DMAC1: variants seen among roughly 807,000 people sequenced by gnomAD.
DMAC1 encodes the protein distal membrane arm assembly component 1, also known as distal membrane-arm assembly complex protein 1.
Under a neutral mutation model 7.0 loss-of-function variants are expected in DMAC1, and 10 were observed. The ratio of observed to expected loss-of-function variants is 1.43; its 90% confidence interval spans 0.88 to 2.43. The LOEUF is 2.43. Among genes scored for constraint, DMAC1 ranks in the 30% most tolerant of loss-of-function variants. The probability of loss-of-function intolerance (pLI) is 0.00; values close to 1 mark genes in which losing one functional copy is unlikely to be tolerated. For missense variants in DMAC1, 219 were observed against 158.7 expected (o/e 1.38, Z -2.04); for synonymous variants, 92 against 66.2 (o/e 1.39, Z -1.90).
At position 7,798,327 on chromosome 9, in the gene DMAC1, A is replaced by G. The variant is rs1006270661; in HGVS notation, c.*246T>C. 7 of 458,246 alleles carry G rather than the reference A, an allele frequency of 1.5e-5. No individual in the cohort carries two copies. The highest frequency in any genetic ancestry group is 9.6e-5 in the African/African-American group (5 of 51,844). 28.4% of individuals were successfully genotyped at this position (458,246 alleles called of 1,614,324 possible). A position where few individuals can be genotyped will look rare whatever the true frequency, so the allele number is the denominator to read the frequency against. ...TATAAGTTATACTTTCCTTCCCCAGATAAGACAAAGAACCTGTTTACTTCT... is the reference window on the plus strand; with the variant it reads ...TATAAGTTATACTTTCCTTCCCCAGGTAAGACAAAGAACCTGTTTACTTCT... On this transcript the variant is annotated 3_prime_UTR_variant, in exon 2 of 2. Transcript: ENST00000358227.
At position 7,799,502 on chromosome 9, in the gene DMAC1, G is replaced by T. The variant is rs748956589; in HGVS notation, c.233C>A (p.Pro78His). ...VARKPMKMGY[P>H]PSPWTITQMV... ...CTGCGTAATGGTCCATGGACTCGGG[G>T]GGTATCCCATCTTCATGGGCTTCCG... Residue 78 changes from proline to histidine, a missense_variant, in exon 1 of 2, where the codon CCC becomes CAC. Transcript: ENST00000358227. The T allele has an allele frequency of 3.0e-5, 48 of 1,613,336 alleles. 2 individuals are homozygous for T. In the South Asian group the frequency reaches 5.3e-4, roughly 18 times the overall value.
At position 7,799,539 on chromosome 9, in the gene DMAC1, A is replaced by G. The variant is rs1418466602; in HGVS notation, c.196T>C (p.Tyr66His). 1 of 1,613,590 alleles carries G rather than the reference A, an allele frequency of 6.2e-7. No individual in the cohort carries two copies. The highest frequency in any genetic ancestry group is 8.5e-7 in the Non-Finnish European group (1 of 1,180,020). ...TTCATGGGCTTCCGTGCCACCCAGT[A>G]CACGTACCCGCCCGCCCCCATCAGC... ...LGLMGAGGYV[Y>H]WVARKPMKMG... Residue 66 changes from tyrosine (Y) to histidine (H), a missense_variant, in exon 1 of 2, where the codon TAC becomes CAC. Transcript: ENST00000358227.
rs1472566819 is a variant in DMAC1, at chr9:7,797,373, A to G, written c.*1200T>C. On this transcript the variant is annotated 3_prime_UTR_variant, in exon 2 of 2. Transcript: ENST00000358227. ...CGCTATGAACTCTGATGTAGAAAAT[A>G]CAAGATTCTAAAGTCATCTGTGAGG... 6.6e-6 allele frequency: 1 copy of G among 152,250 alleles called. No individual in the cohort carries two copies. Among genetic ancestry groups the G allele is most frequent in the Non-Finnish European group, 1.5e-5 (1 of 68,040 alleles). The allele number at this position is 152,250 out of a possible 1,614,324, so 9.4% of individuals were successfully genotyped here.
intron 1 of DMAC1, 109 bp downstream of exon 1, chr9:7,799,352 C>A: frequency 7.1e-7 from 1 of 1,407,880 alleles, no homozygotes; most frequent in South Asian, 1.3e-5. Context: ...CACCACCTGA[C>A]CAGCGGCAGC....
rs1198572136 is a variant in DMAC1 at position 7,797,527 on chromosome 9, T to C, written c.*1046A>G. On this transcript the variant is annotated 3_prime_UTR_variant, in exon 2 of 2. Transcript: ENST00000358227. ...GCTGAATTTAACAGTATCTTTCCGC[T>C]TTGAAAAACACTTTATATACCTTTA... 2 of 152,224 alleles carry C rather than the reference T, an allele frequency of 1.3e-5. No individual in the cohort carries two copies. The highest frequency in any genetic ancestry group is 4.8e-5 in the African/African-American group (2 of 41,452). 9.4% of individuals were successfully genotyped at this position (152,224 alleles called of 1,614,324 possible). A position where few individuals can be genotyped will look rare whatever the true frequency, so the allele number is the denominator to read the frequency against.
chr9:7,799,400 C>G (rs1195504231), intron 1 of DMAC1, 61 bp downstream of exon 1: 3 of 1,583,338 alleles, frequency 1.9e-6, no homozygotes, highest in Non-Finnish European at 2.6e-6. Flanking sequence ...GTGGCTGCTC[C>G]GTTTCCTTCC....
chr9:7,798,604 T>C lies in DMAC1; in HGVS notation c.308A>G (p.Asp103Gly). Residue 103 changes from aspartate to glycine, a missense_variant, in exon 2 of 2, where the codon GAC (aspartate) becomes GGC (glycine). Asp to Gly is a moderately conservative substitution (Grantham distance 94). Coordinates refer to ENST00000358227, the MANE Select transcript of DMAC1 (RefSeq NM_033428.3). The part of the protein sequence containing the change: ...IATWGIVVMA[D>G]PKGKAYRVV The stretch of plus-strand genomic sequence containing the variant: ...AACGCGGTAGGCCTTCCCTTTGGGG[T>C]CTGCCATGACAACGATACCCCAGGT... 3 of 1,605,112 alleles carry C rather than the reference T, an allele frequency of 1.9e-6. No homozygotes were observed. Among genetic ancestry groups the C allele is most frequent in the Non-Finnish European group, 2.6e-6 (3 of 1,173,736 alleles).
Position 7,799,468 on chromosome 9 carries a change from G to A in DMAC1, c.267C>T (p.Ile89=). Residue 89 remains isoleucine, a synonymous_variant, in exon 1 of 2, where the codon ATC becomes ATT. Transcript: ENST00000358227. ...CTGTGCCTTGATTCTCACTGAGGCCGATGACCATCTGCGTAATGGTCCATG... is the reference window on the plus strand; with the variant it reads ...CTGTGCCTTGATTCTCACTGAGGCCAATGACCATCTGCGTAATGGTCCATG... ...PSPWTITQMV[I]GLSIATWGIV... 6.2e-7 allele frequency: 1 copy of A among 1,612,636 alleles called. No individual in the cohort carries two copies. Among genetic ancestry groups the A allele is most frequent in the Non-Finnish European group, 8.5e-7 (1 of 1,180,006 alleles).
intron 1 of DMAC1, 152 bp from the exon 2 acceptor site, chr9:7,798,789 G>GAAAAAA: frequency 3.5e-6 from 2 of 566,316 alleles, no homozygotes; most frequent in Non-Finnish European, 5.6e-6. Flanking sequence ...CACAGAAAAA[G>GAAAAAA]AAAAAAAAAT....
chr9:7,799,155 C>A (rs1818685367), intron 1 of DMAC1, among the ~76,000 whole-genome samples: 1 of 151,984 alleles, frequency 6.6e-6, no homozygotes. Context: ...ACCATGAACA[C>A]AATACTCCTC....
intron 1 of DMAC1, 155 bp downstream of exon 1, chr9:7,799,306 C>A: frequency 1.0e-6 from 1 of 969,692 alleles, no homozygotes; most frequent in East Asian, 2.6e-5. Flanking sequence ...AAAGGCGTTC[C>A]AACAACTTCC....
rs964882349 is a variant in DMAC1 at position 7,798,351 on chromosome 9, C to T, written c.*222G>A. 4 of 520,660 alleles carry T rather than the reference C, an allele frequency of 7.7e-6. No individual in the cohort carries two copies. The highest frequency in any genetic ancestry group is 1.4e-5 in the Non-Finnish European group (4 of 286,432). The allele number at this position is 520,660 out of a possible 1,614,324, so 32.3% of individuals were successfully genotyped here. A position where few individuals can be genotyped will look rare whatever the true frequency, so the allele number is the denominator to read the frequency against. On this transcript the variant is annotated 3_prime_UTR_variant, in exon 2 of 2. Coordinates refer to ENST00000358227, the MANE Select transcript of DMAC1 (RefSeq NM_033428.3). ...GATAAGACAAAGAACCTGTTTACTT[C>T]TCTGAGGGATTTATTGGTTCCTGTG...
At position 7,798,591 on chromosome 9, in the gene DMAC1, C is replaced by A; in HGVS notation, c.321G>T (p.Lys107Asn). Reference protein sequence around the residue: ...GIVVMADPKGKAYRVV With the variant: ...GIVVMADPKGNAYRVV ...GGTACTTTCAAACAACGCGGTAGGC[C>A]TTCCCTTTGGGGTCTGCCATGACAA... The change falls in exon 2 of 2, where the codon AAG becomes AAT. Residue 107 changes from lysine (K) to asparagine (N), a missense_variant. Transcript: ENST00000358227. The A allele has an allele frequency of 6.2e-7, 1 of 1,611,732 alleles. No individual in the cohort carries two copies. The highest frequency in any genetic ancestry group is 1.1e-5 in the South Asian group (1 of 90,840).
At position 7,797,666 on chromosome 9, in the gene DMAC1, A is replaced by C. The variant is rs759015678; in HGVS notation, c.*907T>G. On this transcript the variant is annotated 3_prime_UTR_variant, in exon 2 of 2. Transcript: ENST00000358227. ...CTTATCTCAAAATCATCACAGAAAC[A>C]TATCTAGTGCTTGTGGAAAAAGAAT... 1.2e-4 allele frequency: 18 copies of C among 151,994 alleles called. No homozygotes were observed. The highest frequency in any genetic ancestry group is 5.2e-4 in the Admixed American group (8 of 15,248). The allele number at this position is 151,994 out of a possible 1,614,324, so 9.4% of individuals were successfully genotyped here.
Position 7,799,691 on chromosome 9 carries a change from G to A in DMAC1, c.44C>T (p.Ala15Val). ...LSQPFESYIT[A>V]PPGTAAAPAK... ...GGGCGCGGCGGCGGTACCGGGAGGC[G>A]CAGTGATATAGGACTCAAAAGGCTG... The change falls in exon 1 of 2, where the codon GCG becomes GTG. Residue 15 changes from alanine (A) to valine (V), a missense_variant. Transcript: ENST00000358227. The A allele has an allele frequency of 6.3e-7, 1 of 1,594,656 alleles. No homozygotes were observed. Among genetic ancestry groups the A allele is most frequent in the Non-Finnish European group, 8.5e-7 (1 of 1,174,136 alleles).
chr9:7,799,225 T>C (rs1818686435), intron 1 of DMAC1, among the ~76,000 whole-genome samples: 1 of 151,734 alleles, frequency 6.6e-6, no homozygotes, highest in Non-Finnish European at 1.5e-5. Context: ...ACAGCTATTC[T>C]GAGAATTAAA....
At chr9:7,798,696 C>G in intron 1 of DMAC1, 59 bp from the exon 2 acceptor site, 1 of 1,375,250 alleles carries the variant, frequency 7.3e-7, no homozygotes, top group Non-Finnish European at 9.9e-7. Context: ...CCAAGTGTTT[C>G]ACATATACGC....
In DMAC1 at chr9:7,799,476, T is replaced by C. The variant is rs1282797915; in HGVS notation, c.259A>G (p.Met87Val). Residue 87 changes from methionine (M) to valine (V), a missense_variant, in exon 1 of 2, where the codon ATG (methionine) becomes GTG (valine). Transcript: ENST00000358227. Reference protein sequence around the residue: ...YPPSPWTITQMVIGLSIATWG... With the variant: ...YPPSPWTITQVVIGLSIATWG... ...TGATTCTCACTGAGGCCGATGACCA[T>C]CTGCGTAATGGTCCATGGACTCGGG... is the stretch of plus-strand genomic sequence containing the variant. The C allele has an allele frequency of 6.2e-7, 1 of 1,612,636 alleles. No homozygotes were observed. Among genetic ancestry groups the C allele is most frequent in the Non-Finnish European group, 8.5e-7 (1 of 1,179,998 alleles).
At position 7,799,728 on chromosome 9, in the gene DMAC1, ACC is replaced by A. The variant is rs1378833097; in HGVS notation, c.5_6del (p.Gly2ValfsTer8). ...GACTCAAAAGGCTGGGACAACCGAG[ACC>A]CCATGCTCTGGAACTCGGCCTCAAC... Reference protein sequence around the residue: MGSRLSQPFESY... With the variant: MXSRLSQPFESY... On this transcript the variant is annotated frameshift_variant, in exon 1 of 2. Coordinates refer to ENST00000358227, the MANE Select transcript of DMAC1 (RefSeq NM_033428.3). LOFTEE classifies it high-confidence loss of function. The A allele has an allele frequency of 1.3e-6, 2 of 1,533,248 alleles. No individual in the cohort carries two copies. Among genetic ancestry groups the A allele is most frequent in the Non-Finnish European group, 1.7e-6 (2 of 1,144,132 alleles). The allele number at this position is 1,533,248 out of a possible 1,614,324, so 95.0% of individuals were successfully genotyped here.
Sources: allele counts gnomAD v4.1 joint callset (sites outside exome capture counted in the v4.1 genomes callset), GRCh38; gene constraint gnomAD v4.1.1; transcripts MANE v1.5; gene names NCBI Gene and HGNC (gene_info 2026-07-23, HGNC 2026-07-21).